ATP7B: variants seen among roughly 807,000 people sequenced by gnomAD.
ATP7B encodes copper-transporting ATPase 2.
ATP7B carries 113 observed loss-of-function variants against 118.9 expected under a neutral mutation model. That is an observed-to-expected ratio of 0.95 (90% CI 0.82 to 1.11). ATP7B has a LOEUF of 1.11. Among genes scored for constraint, ATP7B ranks in the 50% most tolerant of loss-of-function variants. The probability of loss-of-function intolerance (pLI) is 0.00; values close to 1 mark genes in which losing one functional copy is unlikely to be tolerated. For synonymous variants in ATP7B, 777 were observed against 727.4 expected (o/e 1.07, Z -1.10); for missense variants, 1,867 against 1,871.4 (o/e 1.00, Z 0.04).
chr13:51,974,777 C>T lies in ATP7B; in HGVS notation c.443G>A (p.Arg148Gln), dbSNP rs571199682. 9.3e-6 allele frequency: 15 copies of T among 1,614,158 alleles called. No homozygotes were observed. Among genetic ancestry groups the T allele is most frequent in the South Asian group, 5.5e-5 (5 of 91,076 alleles). ...GGACTGGCAGGTCATGCCCTCCACC[C>T]GGAGCTTGACCACAGCCTCCTGGGC... ...LPAQEAVVKL[R>Q]VEGMTCQSCV... Residue 148 changes from arginine to glutamine, a missense_variant, in exon 2 of 21, where the codon CGG (arginine) becomes CAG (glutamine). Coordinates refer to ENST00000242839, the MANE Select transcript of ATP7B (RefSeq NM_000053.4).
At chr13:51,935,369 G>A (rs1431358163) in intron 20 of ATP7B, among the ~76,000 whole-genome samples, 1 of 152,238 alleles carries the variant, frequency 6.6e-6, no homozygotes, top group African/African-American at 2.4e-5. Context: ...CCCTTGAGGA[G>A]CAGAGTAAGG....
intron 1 of ATP7B, among the ~76,000 whole-genome samples, chr13:51,981,885 T>C (rs1431156499): frequency 6.6e-6 from 1 of 152,174 alleles, no homozygotes; most frequent in African/African-American, 2.4e-5. Context: ...CCCGTTTGTC[T>C]AAGGCAAGCC....
chr13:52,011,349 G>A lies in ATP7B; in HGVS notation c.-12C>T. 6.2e-7 allele frequency: 1 copy of A among 1,614,222 alleles called. No homozygotes were observed. Among genetic ancestry groups the A allele is most frequent in the Non-Finnish European group, 8.5e-7 (1 of 1,180,014 alleles). ...TCCTGCTCAGGCATCGTCCCGCACG[G>A]ACACCGAATTCTTCTCTGATCTGGC... On this transcript the variant is annotated 5_prime_UTR_variant, in exon 1 of 21. Coordinates refer to ENST00000242839, the MANE Select transcript of ATP7B (RefSeq NM_000053.4).
chr13:51,966,582 A>G (rs1181772589), intron 4 of ATP7B, among the ~76,000 whole-genome samples: 1 of 152,234 alleles, frequency 6.6e-6, no homozygotes, highest in African/African-American at 2.4e-5. Flanking sequence ...CACTTCCTAG[A>G]AGACTAGTTA....
chr13:51,992,131 TA>T (rs532259736), intron 1 of ATP7B, among the ~76,000 whole-genome samples: 5,582 of 125,120 alleles, frequency 0.045, 82 homozygotes, highest in Non-Finnish European at 0.058. Context: ...GTAAGAAATG[TA>T]AAAAAAAAAA....
intron 17 of ATP7B, among the ~76,000 whole-genome samples, chr13:51,937,920 C>T (rs1350176384): frequency 6.6e-6 from 1 of 152,198 alleles, no homozygotes; most frequent in Non-Finnish European, 1.5e-5. Flanking sequence ...TGCTGGTCTC[C>T]CTGTCCACGG....
At chr13:52,011,863 G>T (rs1240460983), upstream of ATP7B, among the ~76,000 whole-genome samples, 1 of 152,246 alleles carries the variant, frequency 6.6e-6, no homozygotes, top group East Asian at 1.9e-4. Flanking sequence ...CCGGGCCGCA[G>T]ACTCAGCTCC....
chr13:51,968,845 C>A (rs1430911897), intron 3 of ATP7B, among the ~76,000 whole-genome samples: 5 of 149,560 alleles, frequency 3.3e-5, no homozygotes, highest in African/African-American at 1.2e-4. Flanking sequence ...AGGTGGCAGG[C>A]ATCTTTTTTT....
At position 51,969,422 on chromosome 13, in the gene ATP7B, C is replaced by T. The variant is rs185156841; in HGVS notation, c.1544-815G>A. Among the ~76,000 whole-genome samples the T allele has an allele frequency of 1.9e-3, 282 of 151,490 alleles. 2 individuals carry two copies. Among genetic ancestry groups the T allele is most frequent in the African/African-American group, 6.5e-3 (267 of 41,304 alleles). ...GTCTGCAGTTATTGACTGCTGTTAC[C>T]GGAAGGATATCCTTTTTTTTTTTTC... On this transcript the variant is annotated intron_variant, in intron 3 of 20. Coordinates refer to ENST00000242839, the MANE Select transcript of ATP7B (RefSeq NM_000053.4).
intron 2 of ATP7B, among the ~76,000 whole-genome samples, chr13:51,971,438 T>A (rs1330293312): frequency 6.6e-6 from 1 of 152,222 alleles, no homozygotes; most frequent in Non-Finnish European, 1.5e-5. Flanking sequence ...TCCTGCCCAA[T>A]TAAAAAAATC....
rs1488050501 is a variant in ATP7B, at chr13:51,974,208, G to A, written c.1012C>T (p.His338Tyr). The A allele has an allele frequency of 6.2e-7, 1 of 1,613,836 alleles. No individual in the cohort carries two copies. The highest frequency in any genetic ancestry group is 1.1e-5 in the South Asian group (1 of 91,078). Residue 338 changes from histidine to tyrosine, a missense_variant, in exon 2 of 21, where the codon CAC (histidine) becomes TAC (tyrosine). Physicochemically the swap from His to Tyr is moderately conservative, Grantham distance 83. Transcript: ENST00000242839. The stretch of plus-strand genomic sequence containing the variant: ...GGGGAATGAGAACTGGAAGACCTGT[G>A]ATCTGTCCCACTCCCTTCGGCTCCA... The part of the protein sequence containing the change: ...PDGAEGSGTD[H>Y]RSSSSHSPGS...
chr13:51,959,800 C>G, intron 7 of ATP7B: 1 of 335,174 alleles, frequency 3.0e-6, no homozygotes, highest in South Asian at 2.8e-5. Flanking sequence ...TTGCTTCCAG[C>G]AACAAACGTA....
At chr13:51,985,119 T>A (rs1243821885) in intron 1 of ATP7B, among the ~76,000 whole-genome samples, 1 of 152,172 alleles carries the variant, frequency 6.6e-6, no homozygotes, top group Non-Finnish European at 1.5e-5. Flanking sequence ...AGACACAGAC[T>A]GGCGAATTGG....
intron 4 of ATP7B, 31 bp from the exon 5 acceptor site, chr13:51,965,064 A>T (rs756525927): frequency 6.2e-7 from 1 of 1,613,112 alleles, no homozygotes; most frequent in South Asian, 1.1e-5. Flanking sequence ...AATCCCACAG[A>T]CCCAGGATCA....
Position 51,933,359 on chromosome 13 carries a change from G to C in ATP7B, c.*1397C>G, listed in dbSNP as rs1956796794. 1 of 152,200 alleles carries C rather than the reference G, an allele frequency of 6.6e-6. No homozygotes were observed. Among genetic ancestry groups the C allele is most frequent in the African/African-American group, 2.4e-5 (1 of 41,436 alleles). The allele number at this position is 152,200 out of a possible 1,614,324, so 9.4% of individuals were successfully genotyped here. A position where few individuals can be genotyped will look rare whatever the true frequency, so the allele number is the denominator to read the frequency against. ...GTAATAGCTACCCTGCTGGTTGGTT[G>C]GGAGGATTAGACGTAATCTATCAAA... On this transcript the variant is annotated 3_prime_UTR_variant, in exon 21 of 21. Transcript: ENST00000242839.
At chr13:51,948,029 G>A (rs1291678630) in intron 12 of ATP7B, among the ~76,000 whole-genome samples, 1 of 152,200 alleles carries the variant, frequency 6.6e-6, no homozygotes, top group Non-Finnish European at 1.5e-5. Flanking sequence ...GCAGTCAGGT[G>A]CCATGGATAG....
intron 15 of ATP7B, 128 bp downstream of exon 15, chr13:51,942,258 C>T: frequency 7.1e-7 from 1 of 1,412,158 alleles, no homozygotes; most frequent in Non-Finnish European, 9.8e-7. Context: ...TGTGGGGAGG[C>T]AGGCTTGGGT....
intron 1 of ATP7B, among the ~76,000 whole-genome samples, chr13:51,988,419 A>T (rs986982647): frequency 6.6e-6 from 1 of 152,180 alleles, no homozygotes; most frequent in African/African-American, 2.4e-5. Context: ...GATGCTGGAG[A>T]GGATGTAGAG....
intron 3 of ATP7B, 113 bp downstream of exon 3, chr13:51,970,379 T>G: frequency 6.8e-7 from 1 of 1,472,296 alleles, no homozygotes; most frequent in Non-Finnish European, 9.5e-7. Flanking sequence ...TATAATGAAC[T>G]TGCTACCTGG....
Sources: gnomAD v4.1 joint callset for allele counts (sites outside exome capture counted in the v4.1 genomes callset) on GRCh38, gnomAD v4.1.1 for gene constraint, MANE v1.5 for transcripts, NCBI Gene and HGNC (gene_info 2026-07-23, HGNC 2026-07-21) for gene names.